The following LYST variants were observed in gnomAD, a reference collection of about 807,000 sequenced individuals.
LYST encodes lysosomal trafficking regulator.
In LYST, 192 loss-of-function variants were observed where a neutral mutation model predicts 413.6. The ratio of observed to expected loss-of-function variants is 0.46; its 90% CI spans 0.41 to 0.52. LYST has a LOEUF of 0.52. LYST is among the 20% of genes least tolerant of loss of function. LYST has a pLI of 0.00. For synonymous variants in LYST, 1,525 were observed against 1,567.3 expected (o/e 0.97, Z 0.64); for missense variants, 3,815 against 4,499.9 (o/e 0.85, Z 4.35).
chr1:235,697,355 T>A, intron 45 of LYST, 83 bp from the exon 46 acceptor site: 1 of 986,292 alleles, frequency 1.0e-6, no homozygotes, highest in Non-Finnish European at 1.5e-6. Flanking sequence ...CTAAACAAAG[T>A]AAGAGAAAGT....
chr1:235,744,553 A>G (rs572148951), intron 29 of LYST, among the ~76,000 whole-genome samples: 1 of 152,202 alleles, frequency 6.6e-6, no homozygotes, highest in African/African-American at 2.4e-5. Flanking sequence ...TCATGGTTCA[A>G]TTTCAGAGTT....
intron 48 of LYST, among the ~76,000 whole-genome samples, chr1:235,680,504 G>A (rs934402117): frequency 4.0e-5 from 6 of 151,838 alleles, no homozygotes; most frequent in African/African-American, 7.3e-5. Flanking sequence ...TCAAGTGGTC[G>A]TCCCACCTGG....
rs775601184 is a variant in LYST at position 235,806,702 on chromosome 1, T to C, written c.2434A>G (p.Ile812Val). 6 of 1,613,120 alleles carry C rather than the reference T, an allele frequency of 3.7e-6. No individual in the cohort carries two copies. In the Admixed American group the frequency reaches 1.0e-4, roughly 27 times the overall value. ...AATGCTTTTAGAGAATGACTTCGAATACCATTTAAGCAATTTAATTCGATT... is the reference window on the plus strand; with the variant it reads ...AATGCTTTTAGAGAATGACTTCGAACACCATTTAAGCAATTTAATTCGATT... ...QIIELNCLNG[I>V]RSHSLKAFET... The change falls in exon 6 of 53, where the codon ATT becomes GTT. Residue 812 changes from isoleucine to valine, a missense_variant. Around this residue, in one of 4 missense-constraint regions of LYST, gnomAD observed 1,648 missense variants for 1,810.3 expected, o/e 0.91. Coordinates refer to ENST00000389793, the MANE Select transcript of LYST (RefSeq NM_000081.4).
intron 52 of LYST, 23 bp from the exon 53 acceptor site, chr1:235,663,101 A>G (rs1477127745): frequency 1.4e-6 from 2 of 1,461,120 alleles, no homozygotes; most frequent in Non-Finnish European, 1.9e-6. Flanking sequence ...AAAAATTCCC[A>G]TTTGTACATT....
chr1:235,848,419 C>A (rs1268734281), intron 1 of LYST, among the ~76,000 whole-genome samples: 1 of 152,000 alleles, frequency 6.6e-6, no homozygotes, highest in South Asian at 2.1e-4. Flanking sequence ...TAAATGCCTA[C>A]ATCAAAAAGT....
chr1:235,756,302 A>C (rs953440982), intron 24 of LYST, among the ~76,000 whole-genome samples: 1 of 152,144 alleles, frequency 6.6e-6, no homozygotes, highest in Non-Finnish European at 1.5e-5. Flanking sequence ...ACAGCATAAC[A>C]CAAAATATAC....
At chr1:235,819,232 A>T (rs565938750) in intron 3 of LYST, among the ~76,000 whole-genome samples, 21 of 152,266 alleles carry the variant, frequency 1.4e-4, no homozygotes, top group Non-Finnish European at 2.8e-4. Flanking sequence ...ACAATTCATC[A>T]TTGGGGAAGT....
intron 34 of LYST, 139 bp from the exon 35 acceptor site, chr1:235,731,316 C>T: frequency 1.3e-6 from 1 of 758,882 alleles, no homozygotes; most frequent in Non-Finnish European, 2.3e-6. Context: ...TATATTTGAT[C>T]AGGGAATGCA....
At chr1:235,829,513 T>C (rs981430613) in intron 3 of LYST, 2 of 152,182 alleles carry the variant, frequency 1.3e-5, no homozygotes, top group African/African-American at 4.8e-5. Flanking sequence ...AAGCAGATTG[T>C]AGAGTTTTAC....
chr1:235,798,394 G>A (rs1284675901), intron 10 of LYST, among the ~76,000 whole-genome samples: 1 of 150,944 alleles, frequency 6.6e-6, no homozygotes, highest in African/African-American at 2.4e-5. Flanking sequence ...GGCAGGGAGG[G>A]GTGTAATGGG....
Position 235,693,408 on chromosome 1 carries a change from A to T in LYST, c.10643T>A (p.Leu3548Ter). The T allele has an allele frequency of 1.9e-6, 3 of 1,613,762 alleles. No individual in the cohort carries two copies. Among genetic ancestry groups the T allele is most frequent in the Non-Finnish European group, 2.5e-6 (3 of 1,179,658 alleles). The change falls in exon 47 of 53, where the codon TTG becomes TAG. Residue 3548 changes from leucine (L) to a stop codon, truncating the protein, a stop_gained. Coordinates refer to ENST00000389793, the MANE Select transcript of LYST (RefSeq NM_000081.4). LOFTEE classifies it high-confidence loss of function. The part of the protein sequence containing the change: ...SWGYADNILR[L>*]KSKQSEPPVN... ...TGGAGGCTCACTTTGTTTACTCTTCAACCTTAAAATATTATCAGCATATCC... is the reference window on the plus strand; with the variant it reads ...TGGAGGCTCACTTTGTTTACTCTTCTACCTTAAAATATTATCAGCATATCC...
intron 15 of LYST, among the ~76,000 whole-genome samples, chr1:235,781,320 GA>G (rs1669851368): frequency 6.6e-6 from 1 of 152,104 alleles, no homozygotes; most frequent in Non-Finnish European, 1.5e-5. Context: ...TCCTTAGCCA[GA>G]AAACAGGTTT....
At chr1:235,708,148 T>C (rs894965280) in intron 44 of LYST, among the ~76,000 whole-genome samples, 3 of 152,234 alleles carry the variant, frequency 2.0e-5, no homozygotes, top group East Asian at 1.9e-4. Flanking sequence ...GGTTACCAAA[T>C]AGCATTATTA....
chr1:235,674,533 T>C lies in LYST; in HGVS notation c.11038+2558A>G, dbSNP rs1659219619. On this transcript the variant is annotated intron_variant, in intron 50 of 52. Coordinates refer to ENST00000389793, the MANE Select transcript of LYST (RefSeq NM_000081.4). The surrounding 1 kb of genome is among the most constrained non-coding windows in gnomAD (Gnocchi z 4.1). Reference sequence around the variant, plus strand: ...CAAATAGCTGCAGGATTTGAATCTATATTGTTCTCATGGGTAACTGCAAGC... The same window carrying C: ...CAAATAGCTGCAGGATTTGAATCTACATTGTTCTCATGGGTAACTGCAAGC... 6.6e-6 allele frequency among the ~76,000 whole-genome samples: 1 copy of C among 152,196 alleles called. No individual in the cohort carries two copies.
chr1:235,836,808 A>C (rs1185508693), intron 1 of LYST, among the ~76,000 whole-genome samples: 1 of 152,174 alleles, frequency 6.6e-6, no homozygotes, highest in African/African-American at 2.4e-5. Context: ...CTGACATAAG[A>C]ACAGTTGTGA....
chr1:235,819,539 A>G (rs1383175946), intron 3 of LYST, among the ~76,000 whole-genome samples: 2 of 152,194 alleles, frequency 1.3e-5, no homozygotes, highest in Non-Finnish European at 2.9e-5. Flanking sequence ...GAAGTTCCCA[A>G]TGTGCCATAT....
intron 48 of LYST, among the ~76,000 whole-genome samples, chr1:235,682,048 C>A (rs571446595): frequency 6.6e-5 from 10 of 152,064 alleles, no homozygotes; most frequent in African/African-American, 2.4e-4. Context: ...ATGTGGCTCA[C>A]GTCTGTAATG....
At chr1:235,771,689 TG>T (rs560437996) in intron 19 of LYST, among the ~76,000 whole-genome samples, 3 of 152,078 alleles carry the variant, frequency 2.0e-5, no homozygotes, top group Non-Finnish European at 4.4e-5. Flanking sequence ...AAAAGTACCA[TG>T]AATACCACAA....
intron 10 of LYST, among the ~76,000 whole-genome samples, chr1:235,798,538 A>G (rs1671811612): frequency 7.5e-6 from 1 of 133,534 alleles, no homozygotes; most frequent in Non-Finnish European, 1.5e-5. Flanking sequence ...AGATCGCACC[A>G]CTGCACTCCA....
Sources: allele counts gnomAD v4.1 joint callset (sites outside exome capture counted in the v4.1 genomes callset), GRCh38; gene constraint gnomAD v4.1.1; regional missense constraint gnomAD v4.1.1; non-coding constraint Gnocchi (gnomAD v3.1); transcripts MANE v1.5; gene names NCBI Gene and HGNC (gene_info 2026-07-23, HGNC 2026-07-21).